Variants in XYLT1 observed in about 807,000 individuals in gnomAD.
The protein encoded by XYLT1 is beta-D-xylosyltransferase 1.
Under a neutral mutation model 91.3 loss-of-function variants are expected in XYLT1, and 36 were observed. The ratio of observed to expected loss-of-function variants is 0.39; its 90% CI spans 0.30 to 0.52. The LOEUF is 0.52. Ranked by LOEUF, XYLT1 falls within the 20% of genes least tolerant of loss-of-function variation. The pLI is 0.68. For synonymous variants in XYLT1, 588 were observed against 532.0 expected (o/e 1.11, Z -1.45); for missense variants, 1,242 against 1,284.5 (o/e 0.97, Z 0.51).
At chr16:17,469,715 A>G (rs568058267) in intron 1 of XYLT1, among the ~76,000 whole-genome samples, 1 of 152,332 alleles carries the variant, frequency 6.6e-6, no homozygotes, top group East Asian at 1.9e-4. Flanking sequence ...CGGCCGCAAC[A>G]AGACAGAAAG....
At chr16:17,187,615 T>A (rs1347296381) in intron 5 of XYLT1, among the ~76,000 whole-genome samples, 1 of 151,528 alleles carries the variant, frequency 6.6e-6, no homozygotes, top group Non-Finnish European at 1.5e-5. Context: ...CAATTTTATT[T>A]TAAGTGTATT....
intron 1 of XYLT1, among the ~76,000 whole-genome samples, chr16:17,454,377 T>A (rs2036707450): frequency 6.6e-6 from 1 of 152,192 alleles, no homozygotes. Context: ...GTTAGCAAAC[T>A]TTTTGGTAAC....
At chr16:17,235,300 CATT>C (rs1350554711) in intron 3 of XYLT1, among the ~76,000 whole-genome samples, 5 of 134,156 alleles carry the variant, frequency 3.7e-5, no homozygotes, top group African/African-American at 1.1e-4. Context: ...AAATCATCAT[CATT>C]ATCATCTTTT....
rs192762756 is a variant in XYLT1 at position 17,312,965 on chromosome 16, T to C, written c.402+45047A>G. 1.1e-3 allele frequency among the ~76,000 whole-genome samples: 171 copies of C among 152,292 alleles called. No individual in the cohort carries two copies. The highest frequency in any genetic ancestry group is 2.0e-3 in the Non-Finnish European group (137 of 68,010). ...CCCATCCCAAAGAACCGGATCCTCTTGGAAAAGCTCCCCCTGGCCGGGGCT... is the reference window on the plus strand; with the variant it reads ...CCCATCCCAAAGAACCGGATCCTCTCGGAAAAGCTCCCCCTGGCCGGGGCT... On this transcript the variant is annotated intron_variant, in intron 2 of 11. Coordinates refer to ENST00000261381, the MANE Select transcript of XYLT1 (RefSeq NM_022166.4). This position sits in a 1 kb window ranked among gnomAD's most constrained non-coding sequence, Gnocchi z 4.4.
Position 17,102,339 on chromosome 16 carries a change from G to GT in XYLT1, c.*6355dup, listed in dbSNP as rs1244265159. 6.6e-6 allele frequency: 1 copy of GT among 152,562 alleles called. No individual in the cohort carries two copies. Among genetic ancestry groups the GT allele is most frequent in the Non-Finnish European group, 1.5e-5 (1 of 68,034 alleles). The allele number at this position is 152,562 out of a possible 1,614,324, so 9.5% of individuals were successfully genotyped here. On this transcript the variant is annotated 3_prime_UTR_variant, in exon 12 of 12. Coordinates refer to ENST00000261381, the MANE Select transcript of XYLT1 (RefSeq NM_022166.4). Reference sequence around the variant, plus strand: ...ATAGTCACTGTTCCATAAAGGCAGTGTTTTTTTAATTTTAAAATTCTGCAT... The same window carrying GT: ...ATAGTCACTGTTCCATAAAGGCAGTGTTTTTTTTAATTTTAAAATTCTGCAT...
intron 2 of XYLT1, among the ~76,000 whole-genome samples, chr16:17,342,816 C>G (rs139602687): frequency 1.3e-5 from 2 of 152,264 alleles, no homozygotes; most frequent in East Asian, 3.9e-4. Context: ...GTATCTCCAG[C>G]TCCTAAAACA....
chr16:17,115,728 CGCCT>C (rs1966850674), intron 11 of XYLT1, among the ~76,000 whole-genome samples: 1 of 144,392 alleles, frequency 6.9e-6, no homozygotes, highest in Non-Finnish European at 1.5e-5. Context: ...TCAAGTGATC[CGCCT>C]GCCTTGGCCT....
intron 1 of XYLT1, among the ~76,000 whole-genome samples, chr16:17,375,431 C>CA (rs66868364): frequency 0.33 from 44,800 of 136,768 alleles, 7,164 homozygotes; most frequent in Non-Finnish European, 0.38. Flanking sequence ...TGTCGCAATG[C>CA]AAAAAAAAAA....
chr16:17,406,716 G>C (rs1351201900), intron 1 of XYLT1, among the ~76,000 whole-genome samples: 4 of 152,264 alleles, frequency 2.6e-5, no homozygotes, highest in Admixed American at 2.6e-4. Flanking sequence ...GGGGTCAAAA[G>C]GGACCACAAC....
intron 2 of XYLT1, among the ~76,000 whole-genome samples, chr16:17,332,569 C>T (rs112888552): frequency 0.042 from 1,768 of 41,912 alleles, 38 homozygotes; most frequent in African/African-American, 0.11. Context: ...CACACACATA[C>T]ACACACACAC....
At chr16:17,349,753 C>T (rs186554189) in intron 2 of XYLT1, among the ~76,000 whole-genome samples, 17 of 151,668 alleles carry the variant, frequency 1.1e-4, no homozygotes, top group Middle Eastern at 6.8e-3. Context: ...AAGAGGGACT[C>T]GCATGCAGTA....
chr16:17,358,122 TTTC>T (rs2035328643), intron 1 of XYLT1, 72 bp from the exon 2 acceptor site: 1 of 1,455,498 alleles, frequency 6.9e-7, no homozygotes, highest in Non-Finnish European at 9.3e-7. Context: ...CATCTTTTTC[TTTC>T]TTTCCTTTTT....
At chr16:17,226,287 C>T (rs1310711412) in intron 3 of XYLT1, among the ~76,000 whole-genome samples, 9 of 152,204 alleles carry the variant, frequency 5.9e-5, no homozygotes, top group Admixed American at 3.9e-4. Context: ...TACAGAGCCA[C>T]ATACCGTAGG....
intron 1 of XYLT1, among the ~76,000 whole-genome samples, chr16:17,396,779 G>C (rs1164140623): frequency 1.3e-5 from 2 of 152,138 alleles, no homozygotes; most frequent in Admixed American, 1.3e-4. Flanking sequence ...TCTGAGGCAG[G>C]AGAATGGCTT....
At chr16:17,383,159 C>T (rs918528668) in intron 1 of XYLT1, among the ~76,000 whole-genome samples, 1 of 151,790 alleles carries the variant, frequency 6.6e-6, no homozygotes, top group African/African-American at 2.4e-5. Context: ...AGGGACAGAC[C>T]GTTCCTTCTA....
rs112348824 is a variant in XYLT1 at position 17,347,159 on chromosome 16, T to C, written c.402+10853A>G. Among the ~76,000 whole-genome samples, 333 of 152,276 alleles carry C rather than the reference T, an allele frequency of 2.2e-3. 1 individual carries two copies. Among genetic ancestry groups the C allele is most frequent in the African/African-American group, 7.6e-3 (317 of 41,546 alleles). On this transcript the variant is annotated intron_variant, in intron 2 of 11. Transcript: ENST00000261381. ...TTTCTAAGAAATTAGATTCAAATAC[T>C]AGGACAGTTAACATTTCCTGGAGGT... is the stretch of plus-strand genomic sequence containing the variant.
At chr16:17,111,917 T>G (rs1469146466) in intron 11 of XYLT1, among the ~76,000 whole-genome samples, 1 of 152,192 alleles carries the variant, frequency 6.6e-6, no homozygotes, top group East Asian at 1.9e-4. Flanking sequence ...GGTGGGCAGC[T>G]TCAGCCCCAC....
At chr16:17,332,989 C>A (rs2034924432) in intron 2 of XYLT1, among the ~76,000 whole-genome samples, 1 of 152,124 alleles carries the variant, frequency 6.6e-6, no homozygotes, top group African/African-American at 2.4e-5. Context: ...CAATTAGAGG[C>A]AGAACCCTGA....
At chr16:17,202,742 C>A (rs1356746611) in intron 3 of XYLT1, among the ~76,000 whole-genome samples, 1 of 152,154 alleles carries the variant, frequency 6.6e-6, no homozygotes, top group Admixed American at 6.6e-5. Flanking sequence ...AATTGTTTAT[C>A]TGTTTACTTG....
Sources: gnomAD v4.1 joint callset for allele counts (sites outside exome capture counted in the v4.1 genomes callset) on GRCh38, gnomAD v4.1.1 for gene constraint, Gnocchi (gnomAD v3.1) non-coding constraint, MANE v1.5 for transcripts, NCBI Gene and HGNC (gene_info 2026-07-23, HGNC 2026-07-21) for gene names.